Variants in PTPRG observed in about 807,000 individuals in gnomAD.
PTPRG encodes the protein receptor-type tyrosine-protein phosphatase gamma.
In PTPRG, 102 loss-of-function variants were observed where a neutral mutation model predicts 165.3. That is an observed-to-expected ratio of 0.62 (90% CI 0.53 to 0.73). The LOEUF (loss-of-function observed/expected upper bound fraction) is 0.73. Among genes scored for constraint, PTPRG ranks in the 30% least tolerant of loss-of-function variants. PTPRG has a pLI of 0.00. For missense variants in PTPRG, 1,866 were observed against 1,861.4 expected, an observed-to-expected ratio of 1.00 and a Z score of -0.05; for synonymous variants, 675 against 669.5, an observed-to-expected ratio of 1.01 and a Z score of -0.13.
intron 12 of PTPRG, among the ~76,000 whole-genome samples, chr3:62,218,477 T>G (rs957861604): frequency 6.6e-6 from 1 of 152,154 alleles, no homozygotes; most frequent in Non-Finnish European, 1.5e-5. Context: ...GGACAGCCAT[T>G]CCACCCTTGC....
At chr3:62,020,058 T>A (rs574709381) in intron 4 of PTPRG, among the ~76,000 whole-genome samples, 2 of 152,292 alleles carry the variant, frequency 1.3e-5, no homozygotes, top group East Asian at 3.9e-4. Context: ...TTTCTGTTGA[T>A]CATAGATTCT....
chr3:62,267,462 C>T lies in PTPRG; in HGVS notation c.2709C>T (p.His903=). ...LRPLPGKDSK[H]SDYINANYVD... ...CTTTACCAGGAAAAGACTCTAAGCA[C>T]AGCGACTACATTAATGCAAACTATG... Residue 903 remains histidine (H), a synonymous_variant, in exon 18 of 30, where the codon CAC becomes CAT. Transcript: ENST00000474889. 6.2e-7 allele frequency: 1 copy of T among 1,611,974 alleles called. No homozygotes were observed. The highest frequency in any genetic ancestry group is 8.5e-7 in the Non-Finnish European group (1 of 1,178,336).
At chr3:61,701,059 A>T (rs2030926286) in intron 1 of PTPRG, among the ~76,000 whole-genome samples, 1 of 152,144 alleles carries the variant, frequency 6.6e-6, no homozygotes, top group African/African-American at 2.4e-5. Flanking sequence ...GGGAGCTTTA[A>T]TAGTTGCCCT....
intron 2 of PTPRG, among the ~76,000 whole-genome samples, chr3:61,821,597 G>T (rs2035960194): frequency 6.6e-6 from 1 of 152,190 alleles, no homozygotes; most frequent in Non-Finnish European, 1.5e-5. Flanking sequence ...GTAATGTGCT[G>T]TGACTTATAA....
chr3:62,162,725 T>C (rs1162785130), intron 7 of PTPRG, among the ~76,000 whole-genome samples: 2 of 152,260 alleles, frequency 1.3e-5, no homozygotes, highest in Non-Finnish European at 2.9e-5. Flanking sequence ...TCAGGACTTA[T>C]ACTATCACTG....
At chr3:61,866,292 T>A (rs966780774) in intron 2 of PTPRG, among the ~76,000 whole-genome samples, 8 of 152,300 alleles carry the variant, frequency 5.3e-5, no homozygotes, top group Non-Finnish European at 1.0e-4. Flanking sequence ...GATGATTTCA[T>A]TTTGCCCACA....
intron 1 of PTPRG, among the ~76,000 whole-genome samples, chr3:61,720,174 A>C (rs1299110901): frequency 6.6e-6 from 1 of 151,154 alleles, no homozygotes; most frequent in African/African-American, 2.4e-5. Flanking sequence ...CTGGAGCTGG[A>C]GTGCAGTGGC....
At chr3:62,042,003 G>A (rs1391374781) in intron 4 of PTPRG, among the ~76,000 whole-genome samples, 3 of 152,082 alleles carry the variant, frequency 2.0e-5, no homozygotes, top group Non-Finnish European at 4.4e-5. Context: ...AAACACCCAG[G>A]CTTTAGTTTA....
chr3:61,686,931 A>G (rs1703651531), intron 1 of PTPRG, among the ~76,000 whole-genome samples: 1 of 152,170 alleles, frequency 6.6e-6, no homozygotes, highest in Admixed American at 6.5e-5. Context: ...GGAAGAGGTG[A>G]GATAAGGAGT....
chr3:61,837,258 G>C (rs2036494853), intron 2 of PTPRG, among the ~76,000 whole-genome samples: 1 of 152,160 alleles, frequency 6.6e-6, no homozygotes, highest in African/African-American at 2.4e-5. Flanking sequence ...ATGTTGGCCA[G>C]GCTGGTCTCG....
At position 61,899,788 on chromosome 3, in the gene PTPRG, T is replaced by C. The variant is rs148855225; in HGVS notation, c.191-89837T>C. ...GAAATTCTGAAATGGGGCCAATGTG[T>C]CAGTGGGATTCATCGGGATGTCGTG... On this transcript the variant is annotated intron_variant, in intron 2 of 29. Coordinates refer to ENST00000474889, the MANE Select transcript of PTPRG (RefSeq NM_002841.4). 6.1e-4 allele frequency among the ~76,000 whole-genome samples: 93 copies of C among 152,184 alleles called. 2 individuals carry two copies. The East Asian group carries it at 0.015, about 24-fold the overall frequency.
At chr3:61,799,477 C>T (rs2035168044) in intron 2 of PTPRG, among the ~76,000 whole-genome samples, 1 of 152,136 alleles carries the variant, frequency 6.6e-6, no homozygotes, top group African/African-American at 2.4e-5. Flanking sequence ...TGCTGGACTG[C>T]GACAGTTTCT....
At chr3:61,650,206 C>T (rs1702313360) in intron 1 of PTPRG, among the ~76,000 whole-genome samples, 1 of 152,170 alleles carries the variant, frequency 6.6e-6, no homozygotes, top group Non-Finnish European at 1.5e-5. Flanking sequence ...GAGAAATTAT[C>T]TTTTAATACA....
chr3:61,738,418 C>G (rs180810769), intron 1 of PTPRG, among the ~76,000 whole-genome samples: 4 of 148,614 alleles, frequency 2.7e-5, no homozygotes, highest in African/African-American at 9.9e-5. Context: ...TATAAAAGGC[C>G]TATATAAAAG....
At chr3:62,241,587 G>T (rs1214363057) in intron 14 of PTPRG, among the ~76,000 whole-genome samples, 1 of 152,088 alleles carries the variant, frequency 6.6e-6, no homozygotes, top group Admixed American at 6.5e-5. Flanking sequence ...TGTGGGGCCT[G>T]TAGTTCCACA....
intron 4 of PTPRG, among the ~76,000 whole-genome samples, chr3:62,044,641 T>G (rs1363204074): frequency 6.6e-6 from 1 of 152,170 alleles, no homozygotes; most frequent in Non-Finnish European, 1.5e-5. Flanking sequence ...ACACAGTAAC[T>G]ACTCCTGAAA....
At chr3:61,680,743 G>GCTTTTTAGTGAGATTGA (rs766786219) in intron 1 of PTPRG, among the ~76,000 whole-genome samples, 23 of 138,900 alleles carry the variant, frequency 1.7e-4, no homozygotes, top group South Asian at 4.6e-4. Context: ...TATCAGGTGT[G>GCTTTTTAGTGAGATTGA]GTACAGGTTG....
chr3:61,631,139 T>C (rs2106928140), intron 1 of PTPRG, among the ~76,000 whole-genome samples: 1 of 152,150 alleles, frequency 6.6e-6, no homozygotes, highest in Admixed American at 6.5e-5. Flanking sequence ...AAGCAGGGAA[T>C]TGTTATCAGA....
intron 3 of PTPRG, among the ~76,000 whole-genome samples, chr3:62,000,416 C>T (rs768514343): frequency 6.6e-6 from 1 of 151,888 alleles, no homozygotes; most frequent in Non-Finnish European, 1.5e-5. Flanking sequence ...GTAGAAAGAA[C>T]GGTGCAGACC....
Sources: allele counts gnomAD v4.1 joint callset (sites outside exome capture counted in the v4.1 genomes callset), GRCh38; gene constraint gnomAD v4.1.1; transcripts MANE v1.5; gene names NCBI Gene and HGNC (gene_info 2026-07-23, HGNC 2026-07-21).